KCNMA1: variants seen among roughly 807,000 people sequenced by gnomAD.
KCNMA1 encodes the protein Calcium-activated potassium channel subunit alpha-1.
In KCNMA1, 29 loss-of-function variants were observed where a neutral mutation model predicts 140.0. The observed-to-expected ratio is 0.21, with a 90% CI of 0.15 to 0.28. The LOEUF (loss-of-function observed/expected upper bound fraction) is 0.28, where lower values mean the gene tolerates loss of function less well. Ranked by LOEUF, KCNMA1 falls within the 10% of genes least tolerant of loss-of-function variation. The pLI is 1.00. For missense variants in KCNMA1, 880 were observed against 1,602.2 expected (o/e 0.55, Z 7.70); for synonymous variants, 612 against 611.9 (o/e 1.00, Z 0.00).
chr10:77,151,723 A>G (rs1164572338), intron 5 of KCNMA1, among the ~76,000 whole-genome samples: 2 of 152,190 alleles, frequency 1.3e-5, no homozygotes, highest in African/African-American at 4.8e-5. Context: ...CACCAGGAGG[A>G]CAGTGTTTAG....
At chr10:77,420,206 G>A (rs997521407) in intron 1 of KCNMA1, among the ~76,000 whole-genome samples, 2 of 152,236 alleles carry the variant, frequency 1.3e-5, no homozygotes, top group Non-Finnish European at 2.9e-5. Context: ...GCAATCAGGA[G>A]TCTAGATTGA....
At chr10:76,916,015 TAAAC>T (rs2052691600) in intron 23 of KCNMA1, among the ~76,000 whole-genome samples, 2 of 141,566 alleles carry the variant, frequency 1.4e-5, no homozygotes, top group African/African-American at 2.9e-5. Context: ...TTTATACACA[TAAAC>T]ACACACACAC....
At chr10:77,146,855 TCTC>T in intron 5 of KCNMA1, among the ~76,000 whole-genome samples, 1 of 152,222 alleles carries the variant, frequency 6.6e-6, no homozygotes, top group Admixed American at 6.5e-5. Flanking sequence ...TCATTCCTGG[TCTC>T]CTCCAGAAGT....
intron 1 of KCNMA1, among the ~76,000 whole-genome samples, chr10:77,429,561 T>C (rs79612528): frequency 0.023 from 3,434 of 152,294 alleles, 117 homozygotes; most frequent in African/African-American, 0.079. Flanking sequence ...AACACAAGTA[T>C]TCTATGGTCA....
Position 77,108,343 on chromosome 10 carries a change from G to A in KCNMA1, c.1223+138C>T, listed in dbSNP as rs2153857662. 1.3e-6 allele frequency: 2 copies of A among 1,578,770 alleles called. No individual in the cohort carries two copies. Among genetic ancestry groups the A allele is most frequent in the African/African-American group, 1.4e-5 (1 of 73,890 alleles). On this transcript the variant is annotated intron_variant, in intron 9 of 27. Transcript: ENST00000286628. The surrounding 1 kb of genome is among the most constrained non-coding windows in gnomAD (Gnocchi z 4.6). ...GAATTTATTCCGACTCAGGATGAGA[G>A]CAGCAATTTCGGGCACGTAGCGGGC...
intron 2 of KCNMA1, among the ~76,000 whole-genome samples, chr10:77,324,957 CTCTCTCTCTCTCTCTGTG>C (rs1392222312): frequency 2.9e-4 from 32 of 111,870 alleles, no homozygotes; most frequent in African/African-American, 1.1e-3. Flanking sequence ...CTCTCTCTCT[CTCTCTCTCTCTCTCTGTG>C]TGTGTGTGTG....
chr10:77,357,624 A>T (rs2093608140), intron 2 of KCNMA1, among the ~76,000 whole-genome samples: 1 of 152,254 alleles, frequency 6.6e-6, no homozygotes, highest in Non-Finnish European at 1.5e-5. Flanking sequence ...GGAATATGTG[A>T]TTTATTTAAA....
chr10:77,536,622 T>C (rs185061023), intron 1 of KCNMA1, among the ~76,000 whole-genome samples: 1 of 152,208 alleles, frequency 6.6e-6, no homozygotes, highest in African/African-American at 2.4e-5. Context: ...CACAAAGAGG[T>C]GAGTAACTTA....
intron 6 of KCNMA1, 38 bp from the exon 7 acceptor site, chr10:77,112,480 A>G: frequency 6.5e-7 from 1 of 1,538,596 alleles, no homozygotes. Flanking sequence ...CCACGTTACC[A>G]AGGGAAGGCC....
At chr10:76,963,640 GC>G (rs1478035437) in intron 20 of KCNMA1, among the ~76,000 whole-genome samples, 1 of 152,148 alleles carries the variant, frequency 6.6e-6, no homozygotes, top group Non-Finnish European at 1.5e-5. Context: ...GGAACTCGAG[GC>G]ATTGTGTCAA....
intron 2 of KCNMA1, among the ~76,000 whole-genome samples, chr10:77,311,480 C>T (rs774617590): frequency 1.3e-5 from 2 of 152,128 alleles, no homozygotes; most frequent in Non-Finnish European, 2.9e-5. Context: ...GGCAGCAAGT[C>T]CCCTTTCTTT....
chr10:77,176,532 G>A (rs921339537), intron 5 of KCNMA1, among the ~76,000 whole-genome samples: 4 of 152,024 alleles, frequency 2.6e-5, no homozygotes, highest in African/African-American at 9.7e-5. Context: ...TCTCCCCAAC[G>A]GTCTCCTCCC....
At chr10:77,615,470 C>A (rs991457214) in intron 1 of KCNMA1, among the ~76,000 whole-genome samples, 2 of 152,112 alleles carry the variant, frequency 1.3e-5, no homozygotes, top group Non-Finnish European at 1.5e-5. Context: ...CAGGCAGGAG[C>A]ACAATCACAA....
intron 1 of KCNMA1, among the ~76,000 whole-genome samples, chr10:77,572,565 A>ATCT (rs2071853073): frequency 2.2e-5 from 1 of 44,750 alleles, no homozygotes; most frequent in African/African-American, 1.0e-4. Flanking sequence ...AAAAAAAAAA[A>ATCT]ATCCATATAT....
At chr10:76,952,862 G>C (rs2066816333) in intron 21 of KCNMA1, among the ~76,000 whole-genome samples, 1 of 152,178 alleles carries the variant, frequency 6.6e-6, no homozygotes, top group Non-Finnish European at 1.5e-5. Context: ...TGACAAAAAG[G>C]AACAGACCCA....
At chr10:77,114,899 A>C (rs1304044223) in intron 6 of KCNMA1, among the ~76,000 whole-genome samples, 2 of 152,178 alleles carry the variant, frequency 1.3e-5, no homozygotes, top group Non-Finnish European at 2.9e-5. Flanking sequence ...AGTTTTGGTC[A>C]GTTCATCTCT....
At chr10:77,630,777 G>C (rs2093087457) in intron 1 of KCNMA1, among the ~76,000 whole-genome samples, 1 of 151,918 alleles carries the variant, frequency 6.6e-6, no homozygotes, top group Non-Finnish European at 1.5e-5. Context: ...ATCACAGCCT[G>C]CATTTTAACA....
chr10:76,949,190 C>T lies in KCNMA1; in HGVS notation c.2661G>A (p.Lys887=). The T allele has an allele frequency of 1.9e-6, 3 of 1,614,208 alleles. No individual in the cohort carries two copies. The highest frequency in any genetic ancestry group is 2.5e-6 in the Non-Finnish European group (3 of 1,180,022). Residue 887 remains lysine, a synonymous_variant, in exon 22 of 28, where the codon AAG becomes AAA. Coordinates refer to ENST00000286628, the MANE Select transcript of KCNMA1 (RefSeq NM_001161352.2). ...AGTTATGAAGCGTCTCCCATTCCCGCTTGAGGTACTCAATAGAGCCCACAA... is the reference window on the plus strand; with the variant it reads ...AGTTATGAAGCGTCTCCCATTCCCGTTTGAGGTACTCAATAGAGCCCACAA... ...IVFVGSIEYL[K]REWETLHNFP... is the part of the protein sequence containing the mutation.
chr10:77,025,279 T>TATATATATATATATAC lies in KCNMA1; in HGVS notation c.1928+2543_1928+2544insGTATATATATATATAT, dbSNP rs1555137436. On this transcript the variant is annotated intron_variant, in intron 16 of 27. Transcript: ENST00000286628. ...ATATATATATATATATATATATATA[T>TATATATATATATATAC]ATACACACACACATATATAATATAG... Among the ~76,000 whole-genome samples the TATATATATATATATAC allele has an allele frequency of 3.8e-5, 5 of 132,388 alleles. No homozygotes were observed. In the South Asian group the frequency reaches 1.3e-3, roughly 34 times the overall value. The allele number at this position is 132,388 out of a possible 152,430, so 86.9% of individuals were successfully genotyped here.
Sources: gnomAD v4.1 joint callset for allele counts (sites outside exome capture counted in the v4.1 genomes callset) on GRCh38, gnomAD v4.1.1 for gene constraint, Gnocchi (gnomAD v3.1) non-coding constraint, MANE v1.5 for transcripts, NCBI Gene and HGNC (gene_info 2026-07-23, HGNC 2026-07-21) for gene names.